DACH2: variants seen among roughly 807,000 people sequenced by gnomAD.
The protein encoded by DACH2 is dachshund homolog 2.
In DACH2, 17 loss-of-function variants were observed where a neutral mutation model predicts 35.8. The ratio of observed to expected loss-of-function variants is 0.48; its 90% confidence interval spans 0.33 to 0.71. The LOEUF (loss-of-function observed/expected upper bound fraction) is 0.71, where lower values mean the gene tolerates loss of function less well. DACH2 is among the 30% of genes least tolerant of loss of function. DACH2 has a pLI of 0.02. For synonymous variants in DACH2, 195 were observed against 177.3 expected, an observed-to-expected ratio of 1.10 and a Z score of -0.79; for missense variants, 469 against 472.7, an observed-to-expected ratio of 0.99 and a Z score of 0.07.
chrX:86,506,341 T>C (rs2038323247), intron 2 of DACH2, among the ~76,000 whole-genome samples: 1 of 112,043 alleles, frequency 8.9e-6, no homozygotes, highest in Admixed American at 9.5e-5. Flanking sequence ...TGTGGCCCCC[T>C]CCATCTTCAA....
intron 1 of DACH2, among the ~76,000 whole-genome samples, chrX:86,185,329 G>A (rs2031650433): frequency 8.9e-6 from 1 of 111,793 alleles, no homozygotes; most frequent in Non-Finnish European, 1.9e-5. Context: ...ATATAGGGCA[G>A]CAAAGAAATA....
chrX:86,644,853 G>A (rs1349273893), intron 3 of DACH2, among the ~76,000 whole-genome samples: 1 of 110,835 alleles, frequency 9.0e-6, no homozygotes, highest in East Asian at 2.8e-4. Context: ...GGGATAACTG[G>A]GCTAGTCATA....
At chrX:86,503,758 A>G (rs1393865597) in intron 2 of DACH2, among the ~76,000 whole-genome samples, 1 of 111,898 alleles carries the variant, frequency 8.9e-6, no homozygotes, top group Non-Finnish European at 1.9e-5. Context: ...GGGAAATATC[A>G]CGCTTTTAGG....
At chrX:86,529,407 C>T (rs1240474700) in intron 3 of DACH2, among the ~76,000 whole-genome samples, 1 of 109,693 alleles carries the variant, frequency 9.1e-6, no homozygotes, top group East Asian at 2.9e-4. Flanking sequence ...CTCTTCACCC[C>T]CTCCTGTATT....
intron 1 of DACH2, among the ~76,000 whole-genome samples, chrX:86,309,065 G>T (rs190044139): frequency 8.9e-6 from 1 of 111,761 alleles, no homozygotes; most frequent in Non-Finnish European, 1.9e-5. Flanking sequence ...CATTAGAGCT[G>T]CCTCTACCTA....
chrX:86,309,026 AATT>A (rs2034746167), intron 1 of DACH2, among the ~76,000 whole-genome samples: 1 of 111,520 alleles, frequency 9.0e-6, no homozygotes, highest in Non-Finnish European at 1.9e-5. Flanking sequence ...GGTGAGGACT[AATT>A]ATGGTGGGAG....
At chrX:86,804,898 G>T (rs765605536) in intron 7 of DACH2, among the ~76,000 whole-genome samples, 19 of 112,168 alleles carry the variant, frequency 1.7e-4, no homozygotes, top group Non-Finnish European at 3.0e-4. Flanking sequence ...GCTTTGCAGG[G>T]TTCAACCTCC....
chrX:86,450,971 C>T (rs112976655), intron 2 of DACH2, among the ~76,000 whole-genome samples: 8,566 of 110,910 alleles, frequency 0.077, 793 homozygotes, highest in African/African-American at 0.26. Context: ...GGATATTAGA[C>T]CTTTGTCAAG....
chrX:86,359,084 C>CTTATAT (rs200413091), intron 1 of DACH2, among the ~76,000 whole-genome samples: 13 of 98,492 alleles, frequency 1.3e-4, no homozygotes, highest in Non-Finnish European at 2.7e-4. Context: ...TATATTTTGT[C>CTTATAT]GTGTGTGTGT....
chrX:86,624,765 C>T (rs920050674), intron 3 of DACH2, among the ~76,000 whole-genome samples: 2 of 110,965 alleles, frequency 1.8e-5, no homozygotes, highest in Non-Finnish European at 3.8e-5. Flanking sequence ...TGAACATATA[C>T]GGTCATATTC....
At chrX:86,805,235 A>C (rs1024771963) in intron 7 of DACH2, among the ~76,000 whole-genome samples, 1 of 112,927 alleles carries the variant, frequency 8.9e-6, no homozygotes, top group Non-Finnish European at 1.9e-5. Context: ...TGTAGGCTTA[A>C]CACCACATGA....
At chrX:86,480,501 G>A (rs1309967232) in intron 2 of DACH2, among the ~76,000 whole-genome samples, 1 of 111,733 alleles carries the variant, frequency 8.9e-6, no homozygotes, top group Non-Finnish European at 1.9e-5. Context: ...TCAAGAACCT[G>A]AAGCTCTACA....
intron 2 of DACH2, among the ~76,000 whole-genome samples, chrX:86,511,348 A>G (rs1030887132): frequency 8.9e-6 from 1 of 111,978 alleles, no homozygotes; most frequent in Non-Finnish European, 1.9e-5. Context: ...CACAAACTTC[A>G]TTCCAATTAA....
Position 86,190,466 on chromosome X carries a change from G to A in DACH2, c.488+41358G>A, listed in dbSNP as rs191022892. Among the ~76,000 whole-genome samples, 845 of 111,595 alleles carry A rather than the reference G, an allele frequency of 7.6e-3. 10 individuals are homozygous for A. Among genetic ancestry groups the A allele is most frequent in the African/African-American group, 0.026 (798 of 30,675 alleles). ...ATCAAGGTGTGTTCTTTCTTGGAAC[G>A]CCTTCTTCATTCATTTCCACTAATG... is the stretch of plus-strand genomic sequence containing the variant. On this transcript the variant is annotated intron_variant, in intron 1 of 11. Transcript: ENST00000373125.
chrX:86,597,923 G>A (rs1320382537), intron 3 of DACH2, among the ~76,000 whole-genome samples: 1 of 111,806 alleles, frequency 8.9e-6, no homozygotes, highest in African/African-American at 3.3e-5. Flanking sequence ...GAAGAAAGAG[G>A]TAATGGACTT....
chrX:86,498,849 T>A (rs1480736603), intron 2 of DACH2, among the ~76,000 whole-genome samples: 1 of 111,929 alleles, frequency 8.9e-6, no homozygotes, highest in Non-Finnish European at 1.9e-5. Flanking sequence ...AGTGCAAGAT[T>A]TTTTTTATTC....
At chrX:86,662,263 A>G (rs937636534) in intron 4 of DACH2, among the ~76,000 whole-genome samples, 6 of 111,421 alleles carry the variant, frequency 5.4e-5, no homozygotes, top group Admixed American at 9.6e-5. Flanking sequence ...GGCAGAGTAA[A>G]GTAAGAAGGT....
chrX:86,624,060 C>CAAAAAAAAAAAAAAAAAAAAAAAAAAAAA (rs34140706), intron 3 of DACH2, among the ~76,000 whole-genome samples: 1 of 36,064 alleles, frequency 2.8e-5, no homozygotes, highest in African/African-American at 1.0e-4. Context: ...AAAAACAAAA[C>CAAAAAAAAAAAAAAAAAAAAAAAAAAAAA]AAAAAAAAAA....
chrX:86,483,825 T>A (rs2037979685), intron 2 of DACH2, among the ~76,000 whole-genome samples: 1 of 41,361 alleles, frequency 2.4e-5, no homozygotes, highest in Admixed American at 3.5e-4. Flanking sequence ...TAGTGAGACC[T>A]AGTCTCAAAA....
Sources: allele counts gnomAD v4.1 joint callset (sites outside exome capture counted in the v4.1 genomes callset), GRCh38; gene constraint gnomAD v4.1.1; transcripts MANE v1.5; gene names NCBI Gene and HGNC (gene_info 2026-07-23, HGNC 2026-07-21).